The following ANXA3 variants were observed in gnomAD, a reference collection of about 807,000 sequenced individuals.
ANXA3 encodes annexin A3, also known as 35-alpha calcimedin.
ANXA3 carries 46 observed loss-of-function variants against 48.8 expected under a neutral mutation model. The observed-to-expected ratio is 0.94, with a 90% CI of 0.74 to 1.21. The LOEUF is 1.21. ANXA3 is among the 50% of genes most tolerant of loss of function. The pLI, the probability that ANXA3 is intolerant of heterozygous loss-of-function variation, is 0.00. For synonymous variants in ANXA3, 128 were observed against 134.7 expected (o/e 0.95, Z 0.35); for missense variants, 383 against 378.6 (o/e 1.01, Z -0.10).
At chr4:78,595,682 G>A (rs1723408498) in intron 8 of ANXA3, 112 bp from the exon 9 acceptor site, 1 of 777,246 alleles carries the variant, frequency 1.3e-6, no homozygotes, top group Non-Finnish European at 2.1e-6. Flanking sequence ...GAAAGTGAGA[G>A]ATTTAGATAA....
At chr4:78,603,446 T>A (rs940826304) in intron 11 of ANXA3, 2 of 152,226 alleles carry the variant, frequency 1.3e-5, no homozygotes, top group Non-Finnish European at 2.9e-5. Context: ...TAAGCAACTC[T>A]CAAATCTTCC....
intron 11 of ANXA3, 86 bp from the exon 12 acceptor site, chr4:78,604,191 C>T: frequency 7.9e-7 from 1 of 1,258,870 alleles, no homozygotes; most frequent in Non-Finnish European, 1.1e-6. Context: ...TTTTGCACAC[C>T]ATTATCTGAT....
At chr4:78,553,290 C>T (rs1309968629) in intron 1 of ANXA3, among the ~76,000 whole-genome samples, 4 of 152,206 alleles carry the variant, frequency 2.6e-5, no homozygotes, top group Admixed American at 2.6e-4. Context: ...ATACCTAACT[C>T]ACTGGATGAT....
chr4:78,597,303 TG>T lies in ANXA3; in HGVS notation c.635-14del. On this transcript the variant is annotated splice_polypyrimidine_tract_variant and intron_variant, in intron 9 of 12. Coordinates refer to ENST00000264908, the MANE Select transcript of ANXA3 (RefSeq NM_005139.3). ...AACTGCGTTGCTTTAAATAATTTTG[TG>T]GTGCTTCTTTTTAGCATTTGATGAA... 1 of 1,526,916 alleles carries T rather than the reference TG, an allele frequency of 6.5e-7. No homozygotes were observed. The highest frequency in any genetic ancestry group is 9.0e-7 in the Non-Finnish European group (1 of 1,104,980). 94.6% of individuals were successfully genotyped at this position (1,526,916 alleles called of 1,614,324 possible).
chr4:78,574,552 A>G (rs944665193), intron 3 of ANXA3, among the ~76,000 whole-genome samples: 3 of 152,230 alleles, frequency 2.0e-5, no homozygotes, highest in Non-Finnish European at 4.4e-5. Context: ...TTTTAATACC[A>G]TAACTACATA....
At chr4:78,558,179 C>A (rs553784489) in intron 2 of ANXA3, among the ~76,000 whole-genome samples, 1 of 152,250 alleles carries the variant, frequency 6.6e-6, no homozygotes, top group South Asian at 2.1e-4. Flanking sequence ...TAAGAGGTAT[C>A]CAAAGCAGTC....
At chr4:78,594,582 T>C (rs557351983) in intron 7 of ANXA3, among the ~76,000 whole-genome samples, 1 of 152,346 alleles carries the variant, frequency 6.6e-6, no homozygotes, top group African/African-American at 2.4e-5. Context: ...GCCCTTCTAA[T>C]AGGTTGTGTA....
intron 2 of ANXA3, among the ~76,000 whole-genome samples, chr4:78,572,894 T>C (rs1211112362): frequency 1.3e-5 from 2 of 152,184 alleles, no homozygotes; most frequent in African/African-American, 4.8e-5. Context: ...GCTAGTATCA[T>C]TTAAACTATA....
chr4:78,604,347 T>C lies in ANXA3; in HGVS notation c.860T>C (p.Ile287Thr). The C allele has an allele frequency of 1.2e-6, 2 of 1,613,454 alleles. No homozygotes were observed. The highest frequency in any genetic ancestry group is 1.7e-6 in the Non-Finnish European group (2 of 1,179,580). Residue 287 changes from isoleucine (I) to threonine (T), a missense_variant, in exon 12 of 13, where the codon ATT (isoleucine) becomes ACT (threonine). Physicochemically the swap from Ile to Thr is moderately conservative, Grantham distance 89 (BLOSUM62 -1). Coordinates refer to ENST00000264908, the MANE Select transcript of ANXA3 (RefSeq NM_005139.3). ...VSRSEIDLLD[I>T]RTEFKKHYGY... ...AGATCAGAAATTGACCTTTTGGACA[T>C]TCGAACAGAGTTCAAGAAGCATTAT... is the stretch of plus-strand genomic sequence containing the variant.
chr4:78,559,231 C>T (rs1722577538), intron 2 of ANXA3, among the ~76,000 whole-genome samples: 1 of 152,074 alleles, frequency 6.6e-6, no homozygotes, highest in Non-Finnish European at 1.5e-5. Context: ...AGGCATGCCC[C>T]CACCATGCCC....
At chr4:78,603,469 C>T (rs1476878332) in intron 11 of ANXA3, 1 of 152,204 alleles carries the variant, frequency 6.6e-6, no homozygotes, top group Non-Finnish European at 1.5e-5. Flanking sequence ...TTTTCTCCAT[C>T]CCTACTGCCT....
chr4:78,606,852 A>G (rs1723660496), intron 12 of ANXA3, among the ~76,000 whole-genome samples: 1 of 152,250 alleles, frequency 6.6e-6, no homozygotes, highest in African/African-American at 2.4e-5. Flanking sequence ...CAATTCTCAG[A>G]CTGTGCCTGG....
chr4:78,553,348 T>A (rs535187326), intron 1 of ANXA3, among the ~76,000 whole-genome samples: 32 of 152,292 alleles, frequency 2.1e-4, no homozygotes, highest in African/African-American at 7.2e-4. Context: ...GTTTTTTTTT[T>A]AAATATCTAC....
At position 78,566,113 on chromosome 4, in the gene ANXA3, G is replaced by C. The variant is rs571078876; in HGVS notation, c.16-7067G>C. 3.3e-5 allele frequency among the ~76,000 whole-genome samples: 5 copies of C among 152,292 alleles called. 1 individual carries two copies. The East Asian group carries it at 9.6e-4, about 29-fold the overall frequency. ...AGGCGGGAAGAAACCTAGGAGGTGA[G>C]GCACAGGAGCCAATGGAAGGCAGGC... On this transcript the variant is annotated intron_variant, in intron 2 of 12. Transcript: ENST00000264908.
In ANXA3 at chr4:78,553,338, G is replaced by GT. The variant is rs941740094; in HGVS notation, c.-38-1088dup. On this transcript the variant is annotated intron_variant, in intron 1 of 12. Transcript: ENST00000264908. ...ATTAAATCATTCATTTAATCAATAA[G>GT]TTTTTTTTTTAAATATCTACCGTGC... 8.1e-4 allele frequency among the ~76,000 whole-genome samples: 123 copies of GT among 151,376 alleles called. 2 individuals are homozygous for GT. The highest frequency in any genetic ancestry group is 1.9e-3 in the South Asian group (9 of 4,798).
At chr4:78,600,497 C>G (rs1037096172) in intron 10 of ANXA3, among the ~76,000 whole-genome samples, 2 of 152,172 alleles carry the variant, frequency 1.3e-5, no homozygotes, top group African/African-American at 4.8e-5. Context: ...TTATGGCTTA[C>G]TTAATGTGAG....
chr4:78,590,343 C>G (rs1723264342), intron 6 of ANXA3, among the ~76,000 whole-genome samples: 2 of 152,122 alleles, frequency 1.3e-5, no homozygotes, highest in Non-Finnish European at 2.9e-5. Flanking sequence ...TGAAAAGTTA[C>G]AGATTTCATA....
At chr4:78,575,665 A>T (rs1722934142) in intron 3 of ANXA3, among the ~76,000 whole-genome samples, 1 of 152,214 alleles carries the variant, frequency 6.6e-6, no homozygotes, top group East Asian at 1.9e-4. Flanking sequence ...GTATGTCTTT[A>T]TCAACAACGT....
At chr4:78,553,996 A>G (rs974937177) in intron 1 of ANXA3, 5 of 158,860 alleles carry the variant, frequency 3.1e-5, no homozygotes, top group South Asian at 3.7e-4. Context: ...GAGTTTCACA[A>G]TCAAGCACAA....
Sources: gnomAD v4.1 joint callset for allele counts (sites outside exome capture counted in the v4.1 genomes callset) on GRCh38, gnomAD v4.1.1 for gene constraint, MANE v1.5 for transcripts, NCBI Gene and HGNC (gene_info 2026-07-23, HGNC 2026-07-21) for gene names.